Variants in NOPCHAP1 observed in about 807,000 individuals in gnomAD.
The protein encoded by NOPCHAP1 is NOP protein chaperone 1, also known as DNA damage-sensitive RNA 1.
A neutral mutation model predicts 14.0 loss-of-function variants in NOPCHAP1; 13 were observed. That is an observed-to-expected ratio of 0.93 (90% CI 0.60 to 1.47). The LOEUF is 1.47. Among genes scored for constraint, NOPCHAP1 ranks in the 40% most tolerant of loss-of-function variants. The pLI is 0.00. For synonymous variants in NOPCHAP1, 78 were observed against 78.4 expected (o/e 1.00, Z 0.03); for missense variants, 230 against 226.9 (o/e 1.01, Z -0.09).
intron 3 of NOPCHAP1, among the ~76,000 whole-genome samples, chr12:104,993,264 C>T (rs558439919): frequency 3.9e-5 from 6 of 152,198 alleles, no homozygotes; most frequent in African/African-American, 1.4e-4. Context: ...GTTCTGTGGG[C>T]CTTACTGTCT....
intron 2 of NOPCHAP1, 121 bp from the exon 3 acceptor site, chr12:104,991,591 A>G (rs1359139840): frequency 2.0e-6 from 2 of 1,006,698 alleles, no homozygotes; most frequent in Non-Finnish European, 2.8e-6. Context: ...AATGAAGGGA[A>G]CTAAAAGATA....
rs1178180962 is a variant in NOPCHAP1, at chr12:104,997,887, G to A, written c.*3191G>A. 1 of 152,028 alleles carries A rather than the reference G, an allele frequency of 6.6e-6. No homozygotes were observed. The highest frequency in any genetic ancestry group is 6.6e-5 in the Admixed American group (1 of 15,258). 9.4% of individuals were successfully genotyped at this position (152,028 alleles called of 1,614,324 possible). ...TAATCCCATATTTCTCGGAAGTTTT[G>A]TCCATTCTTTATTGTTTTTTTTCTC... On this transcript the variant is annotated 3_prime_UTR_variant, in exon 4 of 4. Coordinates refer to ENST00000552951, the MANE Select transcript of NOPCHAP1 (RefSeq NM_152318.3).
At position 105,006,663 on chromosome 12, in the gene NOPCHAP1, G is replaced by A. The variant is rs939575944; in HGVS notation, c.*11967G>A. 1 of 152,156 alleles carries A rather than the reference G, an allele frequency of 6.6e-6. No individual in the cohort carries two copies. Among genetic ancestry groups the A allele is most frequent in the Non-Finnish European group, 1.5e-5 (1 of 68,038 alleles). 9.4% of individuals were successfully genotyped at this position (152,156 alleles called of 1,614,324 possible). Reference sequence around the variant, plus strand: ...GGGGTTAGCAGCCTTATAGATAAGGGCAGTCCTGATCATAAATCTAATTGC... The same window carrying A: ...GGGGTTAGCAGCCTTATAGATAAGGACAGTCCTGATCATAAATCTAATTGC... On this transcript the variant is annotated 3_prime_UTR_variant, in exon 4 of 4. Transcript: ENST00000552951.
In NOPCHAP1 at chr12:104,994,657, T is replaced by G; in HGVS notation, c.519T>G (p.Ile173Met). The G allele has an allele frequency of 1.2e-6, 2 of 1,613,714 alleles. No individual in the cohort carries two copies. The highest frequency in any genetic ancestry group is 1.7e-6 in the Non-Finnish European group (2 of 1,179,920). Residue 173 changes from isoleucine (I) to methionine (M), a missense_variant, in exon 4 of 4, where the codon ATT becomes ATG. Transcript: ENST00000552951. ...LPNSEGGKGK[I>M]EVLDSPASKK... ...ATTCTGAAGGTGGAAAAGGCAAGAT[T>G]GAAGTTTTGGACAGTCCAGCAAGTA...
rs1260434167 is a variant in NOPCHAP1, at chr12:104,988,167, G to A, written c.116G>A (p.Gly39Asp). Residue 39 changes from glycine (G) to aspartate (D), a missense_variant and splice_region_variant, in exon 2 of 4, where the codon GGT becomes GAT. Gly to Asp is a moderately conservative substitution (Grantham distance 94). Transcript: ENST00000552951. ...LLTAGSDGRG[G>D]IWDRLLINSQ... ...GGTGTTTGTGTGTCTGTATTTTCAG[G>A]TATATGGGACAGGTTGCTCATCAAC... 1 of 1,606,434 alleles carries A rather than the reference G, an allele frequency of 6.2e-7. No homozygotes were observed. The highest frequency in any genetic ancestry group is 1.1e-5 in the South Asian group (1 of 90,474).
chr12:105,005,550 T>A lies in NOPCHAP1; in HGVS notation c.*10854T>A, dbSNP rs144216934. ...CAAAGTTGTAACCCTGCGCAAAGAC[T>A]AGGCTTGTGACCAGTCTGATTGGTT... On this transcript the variant is annotated 3_prime_UTR_variant, in exon 4 of 4. Transcript: ENST00000552951. The A allele has an allele frequency of 2.0e-5, 3 of 152,332 alleles. No homozygotes were observed. The highest frequency in any genetic ancestry group is 7.2e-5 in the African/African-American group (3 of 41,578). 9.4% of individuals were successfully genotyped at this position (152,332 alleles called of 1,614,324 possible). A position where few individuals can be genotyped will look rare whatever the true frequency, so the allele number is the denominator to read the frequency against.
chr12:105,006,154 A>G lies in NOPCHAP1; in HGVS notation c.*11458A>G, dbSNP rs1217165249. 1 of 152,208 alleles carries G rather than the reference A, an allele frequency of 6.6e-6. No homozygotes were observed. Among genetic ancestry groups the G allele is most frequent in the Non-Finnish European group, 1.5e-5 (1 of 68,040 alleles). 9.4% of individuals were successfully genotyped at this position (152,208 alleles called of 1,614,324 possible). ...GCTCTGTCGTAAATCTTATGAATTCATGCATGATATCTGGACACAGTTTTT... is the reference window on the plus strand; with the variant it reads ...GCTCTGTCGTAAATCTTATGAATTCGTGCATGATATCTGGACACAGTTTTT... On this transcript the variant is annotated 3_prime_UTR_variant, in exon 4 of 4. Coordinates refer to ENST00000552951, the MANE Select transcript of NOPCHAP1 (RefSeq NM_152318.3).
In NOPCHAP1 at chr12:104,994,997, C is replaced by T; in HGVS notation, c.*301C>T. 2 of 345,928 alleles carry T rather than the reference C, an allele frequency of 5.8e-6. No homozygotes were observed. Among genetic ancestry groups the T allele is most frequent in the South Asian group, 2.6e-5 (1 of 38,738 alleles). The allele number at this position is 345,928 out of a possible 1,614,324, so 21.4% of individuals were successfully genotyped here. A position where few individuals can be genotyped will look rare whatever the true frequency, so the allele number is the denominator to read the frequency against. ...TGATGGGTTACAGCTAGGTGTTTGC[C>T]TAAATAAGGCAAAGAGGAGACCTAA... On this transcript the variant is annotated 3_prime_UTR_variant, in exon 4 of 4. Transcript: ENST00000552951.
intron 3 of NOPCHAP1, among the ~76,000 whole-genome samples, chr12:104,992,369 G>A (rs1043408159): frequency 6.6e-6 from 1 of 152,154 alleles, no homozygotes; most frequent in African/African-American, 2.4e-5. Context: ...CAACCACTTT[G>A]TACAACCTCT....
intron 1 of NOPCHAP1, among the ~76,000 whole-genome samples, chr12:104,987,004 C>G (rs767177620): frequency 6.6e-6 from 1 of 152,208 alleles, no homozygotes; most frequent in Non-Finnish European, 1.5e-5. Context: ...CGAATCCCAG[C>G]TCCACTAGTA....
rs1360719368 is a variant in NOPCHAP1 at position 104,998,514 on chromosome 12, T to C, written c.*3818T>C. ...GGGGGGCTGATATCAGGCCCCTGGC[T>C]TTGTTCTCTGGCCACTGGAGGTTAG... On this transcript the variant is annotated 3_prime_UTR_variant, in exon 4 of 4. Coordinates refer to ENST00000552951, the MANE Select transcript of NOPCHAP1 (RefSeq NM_152318.3). 1 of 152,268 alleles carries C rather than the reference T, an allele frequency of 6.6e-6. No homozygotes were observed. Among genetic ancestry groups the C allele is most frequent in the African/African-American group, 2.4e-5 (1 of 41,442 alleles). The allele number at this position is 152,268 out of a possible 1,614,324, so 9.4% of individuals were successfully genotyped here.
chr12:104,990,752 G>A (rs1318346251), intron 2 of NOPCHAP1, among the ~76,000 whole-genome samples: 1 of 152,178 alleles, frequency 6.6e-6, no homozygotes, highest in Non-Finnish European at 1.5e-5. Flanking sequence ...GGATTAGTAC[G>A]CTGAGGTTTC....
rs1355805959 is a variant in NOPCHAP1, at chr12:104,999,961, G to A, written c.*5265G>A. On this transcript the variant is annotated 3_prime_UTR_variant, in exon 4 of 4. Transcript: ENST00000552951. ...CTGCTGGGAGTGCACCAGTCTTCCT[G>A]ATATCCCAGTCTCTTGGTGGCAGAT... is the stretch of plus-strand genomic sequence containing the variant. 1 of 152,176 alleles carries A rather than the reference G, an allele frequency of 6.6e-6. No homozygotes were observed. The highest frequency in any genetic ancestry group is 1.5e-5 in the Non-Finnish European group (1 of 68,058). 9.4% of individuals were successfully genotyped at this position (152,176 alleles called of 1,614,324 possible).
rs1022242620 is a variant in NOPCHAP1, at chr12:105,005,852, T to C, written c.*11156T>C. The C allele has an allele frequency of 2.6e-5, 4 of 152,246 alleles. No individual in the cohort carries two copies. The highest frequency in any genetic ancestry group is 9.6e-5 in the African/African-American group (4 of 41,456). 9.4% of individuals were successfully genotyped at this position (152,246 alleles called of 1,614,324 possible). Reference sequence around the variant, plus strand: ...GTGTATCATAGAAAGGTCCATGTTATAAAAGAAGTCAAAAGCAACCTTGAA... The same window carrying C: ...GTGTATCATAGAAAGGTCCATGTTACAAAAGAAGTCAAAAGCAACCTTGAA... On this transcript the variant is annotated 3_prime_UTR_variant, in exon 4 of 4. Transcript: ENST00000552951.
rs968725050 is a variant in NOPCHAP1 at position 105,011,503 on chromosome 12, G to T, written c.*16807G>T. The T allele has an allele frequency of 1.4e-4, 22 of 152,130 alleles. No homozygotes were observed. Among genetic ancestry groups the T allele is most frequent in the African/African-American group, 5.3e-4 (22 of 41,414 alleles). 9.4% of individuals were successfully genotyped at this position (152,130 alleles called of 1,614,324 possible). ...GGCATTTAGTCCATTTACATTTAAG[G>T]TTAATATTGTTATGTGCGAATTTGA... On this transcript the variant is annotated 3_prime_UTR_variant, in exon 4 of 4. Coordinates refer to ENST00000552951, the MANE Select transcript of NOPCHAP1 (RefSeq NM_152318.3).
rs553984398 is a variant in NOPCHAP1 at position 105,011,286 on chromosome 12, C to A, written c.*16590C>A. ...GGTTTAAAGTCTGTTTTATCGGAGA[C>A]CAGGATTGCAACCCCTGCTTTTTTT... On this transcript the variant is annotated 3_prime_UTR_variant, in exon 4 of 4. Coordinates refer to ENST00000552951, the MANE Select transcript of NOPCHAP1 (RefSeq NM_152318.3). The A allele has an allele frequency of 2.1e-4, 32 of 152,224 alleles. No individual in the cohort carries two copies. The highest frequency in any genetic ancestry group is 7.7e-4 in the African/African-American group (32 of 41,532). The allele number at this position is 152,224 out of a possible 1,614,324, so 9.4% of individuals were successfully genotyped here.
At chr12:104,993,617 A>T (rs948733158) in intron 3 of NOPCHAP1, among the ~76,000 whole-genome samples, 2 of 152,254 alleles carry the variant, frequency 1.3e-5, no homozygotes, top group Non-Finnish European at 2.9e-5. Flanking sequence ...CAATTAGAGC[A>T]GTGCGTCACT....
rs1319743593 is a variant in NOPCHAP1, at chr12:104,999,558, C to G, written c.*4862C>G. On this transcript the variant is annotated 3_prime_UTR_variant, in exon 4 of 4. Transcript: ENST00000552951. ...GCATTTTTCAAGTCTGATAGTTCCT[C>G]TAGGGTTGAAGTCTCTTAGGGGAGC... 6.6e-6 allele frequency: 1 copy of G among 152,382 alleles called. No individual in the cohort carries two copies. Among genetic ancestry groups the G allele is most frequent in the African/African-American group, 2.4e-5 (1 of 41,442 alleles). The allele number at this position is 152,382 out of a possible 1,614,324, so 9.4% of individuals were successfully genotyped here.
At position 105,011,371 on chromosome 12, in the gene NOPCHAP1, CTT is replaced by C. The variant is rs1481105108; in HGVS notation, c.*16677_*16678del. On this transcript the variant is annotated 3_prime_UTR_variant, in exon 4 of 4. Coordinates refer to ENST00000552951, the MANE Select transcript of NOPCHAP1 (RefSeq NM_152318.3). The stretch of plus-strand genomic sequence containing the variant: ...CCCTTTATTTTGAGCCTATGTGTGT[CTT>C]TGCACATGAGATGGGTCTCCTGAAT... 6.6e-6 allele frequency: 1 copy of C among 152,090 alleles called. No individual in the cohort carries two copies. The highest frequency in any genetic ancestry group is 1.5e-5 in the Non-Finnish European group (1 of 68,034). 9.4% of individuals were successfully genotyped at this position (152,090 alleles called of 1,614,324 possible). A position where few individuals can be genotyped will look rare whatever the true frequency, so the allele number is the denominator to read the frequency against.
Sources: gnomAD v4.1 joint callset for allele counts (sites outside exome capture counted in the v4.1 genomes callset) on GRCh38, gnomAD v4.1.1 for gene constraint, MANE v1.5 for transcripts, NCBI Gene and HGNC (gene_info 2026-07-23, HGNC 2026-07-21) for gene names.